Variants in CIRSR observed in about 807,000 individuals in gnomAD.
The protein encoded by CIRSR is corepressor of RBPJ and splicing regulator.
At chr2:174,392,231 G>C in the CIRSR span, among the ~76,000 whole-genome samples, 2 of 152,044 alleles carry the variant, frequency 1.3e-5, no homozygotes, top group African/African-American at 4.8e-5. Context: ...TCCTGACCTC[G>C]GGTGATCCAC....
chr2:174,386,921 T>TAGAGAG, the CIRSR span, among the ~76,000 whole-genome samples: 623 of 152,328 alleles, frequency 4.1e-3, 6 homozygotes, highest in African/African-American at 0.014. Flanking sequence ...TTCTTAAGGA[T>TAGAGAG]AAACTACACT....
At chr2:174,376,638 A>G in the CIRSR span, among the ~76,000 whole-genome samples, 1 of 151,780 alleles carries the variant, frequency 6.6e-6, no homozygotes, top group Non-Finnish European at 1.5e-5. Flanking sequence ...TCTACTAAAA[A>G]TACAAAAAAA....
chr2:174,355,159 T>A, the CIRSR span, among the ~76,000 whole-genome samples: 2 of 152,152 alleles, frequency 1.3e-5, no homozygotes, highest in Non-Finnish European at 2.9e-5. Flanking sequence ...CTGACAGAAA[T>A]GACTCCAGAT....
the CIRSR span, among the ~76,000 whole-genome samples, chr2:174,365,732 G>C: frequency 1.3e-5 from 2 of 152,144 alleles, no homozygotes; most frequent in African/African-American, 2.4e-5. Context: ...AACAGCATGG[G>C]AAAGACTTGT....
the CIRSR span, among the ~76,000 whole-genome samples, chr2:174,368,371 T>C: frequency 1.6e-4 from 24 of 152,316 alleles, no homozygotes; most frequent in South Asian, 3.3e-3. Context: ...ATACAAAGCA[T>C]GCTCTCAGAC....
chr2:174,354,482 AT>A, the CIRSR span, among the ~76,000 whole-genome samples: 91 of 86,180 alleles, frequency 1.1e-3, 1 homozygote, highest in Admixed American at 0.016. Context: ...TATAATATAT[AT>A]TATATTATAT....
At chr2:174,361,597 A>T in the CIRSR span, among the ~76,000 whole-genome samples, 1 of 152,248 alleles carries the variant, frequency 6.6e-6, no homozygotes, top group East Asian at 1.9e-4. Flanking sequence ...ACCATGGCTT[A>T]GTGCAGCATT....
At chr2:174,384,299 A>G in the CIRSR span, among the ~76,000 whole-genome samples, 1 of 152,234 alleles carries the variant, frequency 6.6e-6, no homozygotes, top group Non-Finnish European at 1.5e-5. Flanking sequence ...TTCAATTTAT[A>G]TGAGGCATTT....
the CIRSR span, among the ~76,000 whole-genome samples, chr2:174,377,233 G>A: frequency 6.6e-6 from 1 of 152,130 alleles, no homozygotes; most frequent in East Asian, 1.9e-4. Context: ...AAATCCCTGT[G>A]ACTAAAAAAG....
the CIRSR span, among the ~76,000 whole-genome samples, chr2:174,392,365 A>G: frequency 6.6e-6 from 1 of 152,212 alleles, no homozygotes; most frequent in African/African-American, 2.4e-5. Flanking sequence ...AACTCCATGA[A>G]TACATTTTAA....
the CIRSR span, among the ~76,000 whole-genome samples, chr2:174,385,103 T>A: frequency 6.6e-6 from 1 of 151,264 alleles, no homozygotes; most frequent in Non-Finnish European, 1.5e-5. Flanking sequence ...TAGTTCCAGC[T>A]ATTCAGGAGA....
chr2:174,354,928 C>T, the CIRSR span, among the ~76,000 whole-genome samples: 4 of 149,696 alleles, frequency 2.7e-5, no homozygotes, highest in East Asian at 2.0e-4. Context: ...GACTATCTTA[C>T]GGTACTTTTC....
At chr2:174,388,316 A>T in the CIRSR span, among the ~76,000 whole-genome samples, 1 of 152,200 alleles carries the variant, frequency 6.6e-6, no homozygotes, top group African/African-American at 2.4e-5. Flanking sequence ...TTCCTGCCTC[A>T]GCCTCCGGAG....
the CIRSR span, chr2:174,387,380 G>A: frequency 4.9e-6 from 1 of 203,170 alleles, no homozygotes; most frequent in Non-Finnish European, 9.8e-6. Flanking sequence ...AAAGAAATAA[G>A]TCTGTAAGAG....
the CIRSR span, among the ~76,000 whole-genome samples, chr2:174,356,623 AGGG>A: frequency 6.8e-6 from 1 of 146,386 alleles, no homozygotes; most frequent in Admixed American, 6.8e-5. Context: ...GGAAGGAAGA[AGGG>A]GAAGGGGAAG....
At chr2:174,394,659 A>C in the CIRSR span, among the ~76,000 whole-genome samples, 15 of 152,344 alleles carry the variant, frequency 9.8e-5, no homozygotes, top group South Asian at 2.9e-3. Context: ...TTAGGAAGGT[A>C]ACAGTGAAAA....
At chr2:174,354,152 T>C in the CIRSR span, among the ~76,000 whole-genome samples, 1 of 151,650 alleles carries the variant, frequency 6.6e-6, no homozygotes, top group Non-Finnish European at 1.5e-5. Context: ...AAACAATCAT[T>C]ACTCTTCTAG....
At chr2:174,354,715 AAT>A in the CIRSR span, among the ~76,000 whole-genome samples, 6 of 103,192 alleles carry the variant, frequency 5.8e-5, no homozygotes, top group Non-Finnish European at 1.1e-4. Context: ...TATATAATAT[AAT>A]ATATATTATA....
At chr2:174,372,401 C>T in the CIRSR span, among the ~76,000 whole-genome samples, 1 of 152,164 alleles carries the variant, frequency 6.6e-6, no homozygotes, top group Non-Finnish European at 1.5e-5. Context: ...TCTCTGTCTA[C>T]ATGTCTACCT....
Sources: allele counts gnomAD v4.1 joint callset (sites outside exome capture counted in the v4.1 genomes callset), GRCh38; gene constraint gnomAD v4.1.1; transcripts MANE v1.5; gene names NCBI Gene and HGNC (gene_info 2026-07-23, HGNC 2026-07-21).